CYB561: variants seen among roughly 807,000 people sequenced by gnomAD.
CYB561 encodes cytochrome b561, also known as transmembrane ascorbate-dependent reductase CYB561.
In CYB561, 11 loss-of-function variants were observed where a neutral mutation model predicts 25.3. The ratio of observed to expected loss-of-function variants is 0.44; its 90% CI spans 0.27 to 0.72. CYB561 has a LOEUF of 0.72. Ranked by LOEUF, CYB561 falls within the 30% of genes least tolerant of loss-of-function variation. The pLI is 0.18. For synonymous variants in CYB561, 165 were observed against 158.8 expected, an observed-to-expected ratio of 1.04 and a Z score of -0.29; for missense variants, 295 against 334.9, an observed-to-expected ratio of 0.88 and a Z score of 0.93.
rs781696541 is a variant in CYB561 at position 63,435,217 on chromosome 17, C to T, written c.432G>A (p.Leu144=). 3.1e-6 allele frequency: 5 copies of T among 1,613,756 alleles called. No individual in the cohort carries two copies. In the South Asian group the frequency reaches 5.5e-5, roughly 18 times the overall value. The change falls in exon 5 of 6, where the codon CTG becomes CTA. Residue 144 remains leucine, a synonymous_variant. Transcript: ENST00000360793. ...VQWLVGFSFF[L]FPGASFSLRS... is the part of the protein sequence containing the mutation. ...GCAGGGAGAATGAAGCTCCGGGGAA[C>T]AGGAAGAAGCTGAAGCCCACCAGCC...
Position 63,435,778 on chromosome 17 carries a change from C to A in CYB561, c.315G>T (p.Val105=), listed in dbSNP as rs755847245. ...LVIALVGLVA[V]FDYHRKKGYA... Reference sequence around the variant, plus strand: ...AGCCCTTCTTCCTGTGGTAGTCGAACACCGCCACCAAGCCTGGGCCAGAGA... The same window carrying A: ...AGCCCTTCTTCCTGTGGTAGTCGAAAACCGCCACCAAGCCTGGGCCAGAGA... Residue 105 remains valine (V), a synonymous_variant, in exon 4 of 6, where the codon GTG becomes GTT. Coordinates refer to ENST00000360793, the MANE Select transcript of CYB561 (RefSeq NM_001915.4). 7 of 1,614,082 alleles carry A rather than the reference C, an allele frequency of 4.3e-6. No individual in the cohort carries two copies. The highest frequency in any genetic ancestry group is 5.9e-6 in the Non-Finnish European group (7 of 1,180,022).
intron 2 of CYB561, 65 bp downstream of exon 2, chr17:63,437,281 C>T: frequency 7.7e-7 from 1 of 1,296,636 alleles, no homozygotes. Context: ...TGACAAGACC[C>T]CTGCAAACTG....
At position 63,434,406 on chromosome 17, in the gene CYB561, T is replaced by A. The variant is rs2049269401; in HGVS notation, c.752A>T (p.Gln251Leu). ...TLTEGDSPGS[Q>L] Reference sequence around the variant, plus strand: ...CCCCAGGGCCGGCCGGGCGCATCACTGGGAGCCGGGGCTATCTCCCTCCGT... The same window carrying A: ...CCCCAGGGCCGGCCGGGCGCATCACAGGGAGCCGGGGCTATCTCCCTCCGT... Residue 251 changes from glutamine to leucine, a missense_variant, in exon 6 of 6, where the codon CAG becomes CTG. Transcript: ENST00000360793. The A allele has an allele frequency of 6.4e-7, 1 of 1,561,554 alleles. No individual in the cohort carries two copies. The highest frequency in any genetic ancestry group is 8.7e-7 in the Non-Finnish European group (1 of 1,150,840).
At chr17:63,434,877 T>C (rs1338656052) in intron 5 of CYB561, among the ~76,000 whole-genome samples, 1 of 152,240 alleles carries the variant, frequency 6.6e-6, no homozygotes, top group East Asian at 1.9e-4. Flanking sequence ...AGGGTGCCCA[T>C]AGCCCAGAAG....
Position 63,434,542 on chromosome 17 carries a change from G to A in CYB561, c.616C>T (p.Leu206=). The change falls in exon 6 of 6, where the codon CTG becomes TTG. Residue 206 remains leucine (L), a synonymous_variant. Transcript: ENST00000360793. The part of the protein sequence containing the change: ...PEGVLANVLG[L]LLACFGGAVL... ...GCCCCACCGAAGCAGGCCAGCAGCA[G>A]GCCCAGCACGTTGGCCAGGACACCC... 1 of 1,613,316 alleles carries A rather than the reference G, an allele frequency of 6.2e-7. No homozygotes were observed. Among genetic ancestry groups the A allele is most frequent in the East Asian group, 2.2e-5 (1 of 44,884 alleles).
intron 1 of CYB561, chr17:63,438,299 G>A: frequency 8.1e-7 from 1 of 1,237,106 alleles, no homozygotes. Flanking sequence ...TGACGGGAAG[G>A]AAGGGGCTGG....
chr17:63,446,310 G>A (rs2049423550), upstream of CYB561: 1 of 151,990 alleles, frequency 6.6e-6, no homozygotes, highest in Non-Finnish European at 1.5e-5. Context: ...CGGTTCTGCG[G>A]GCCGTGGCGC....
At chr17:63,439,457 C>T (rs1191700236) in intron 1 of CYB561, among the ~76,000 whole-genome samples, 1 of 152,004 alleles carries the variant, frequency 6.6e-6, no homozygotes, top group Non-Finnish European at 1.5e-5. Flanking sequence ...CCCTTGAGCT[C>T]AGGAGGCAGA....
Position 63,435,070 on chromosome 17 carries a change from C to A in CYB561, c.563+16G>T, listed in dbSNP as rs768254774. 38 of 1,609,234 alleles carry A rather than the reference C, an allele frequency of 2.4e-5. No homozygotes were observed. The highest frequency in any genetic ancestry group is 3.2e-5 in the Non-Finnish European group (38 of 1,177,748). ...GGGTGGCCCAGGCCCTGCCCTCTCC[C>A]ACCCAGGACACTCACCCGAGGTTGA... On this transcript the variant is annotated intron_variant, in intron 5 of 5. Coordinates refer to ENST00000360793, the MANE Select transcript of CYB561 (RefSeq NM_001915.4).
At chr17:63,435,282 C>G (rs532464749) in intron 4 of CYB561, 39 bp from the exon 5 acceptor site, 1 of 1,601,496 alleles carries the variant, frequency 6.2e-7, no homozygotes, top group Non-Finnish European at 8.5e-7. Flanking sequence ...ACAGGGCGGC[C>G]GGACACCCCA....
intron 1 of CYB561, among the ~76,000 whole-genome samples, chr17:63,443,860 A>T (rs2049398817): frequency 6.6e-6 from 1 of 152,176 alleles, no homozygotes; most frequent in African/African-American, 2.4e-5. Context: ...TCCTGGTCTC[A>T]AGCAGTCCTC....
In CYB561 at chr17:63,434,531, G is replaced by A. The variant is rs2049272016; in HGVS notation, c.627C>T (p.Ala209=). 1 of 1,613,510 alleles carries A rather than the reference G, an allele frequency of 6.2e-7. No homozygotes were observed. The highest frequency in any genetic ancestry group is 8.5e-7 in the Non-Finnish European group (1 of 1,179,978). The change falls in exon 6 of 6, where the codon GCC becomes GCT. Residue 209 remains alanine (A), a synonymous_variant. Transcript: ENST00000360793. ...TGTAGAGCACCGCCCCACCGAAGCA[G>A]GCCAGCAGCAGGCCCAGCACGTTGG... is the stretch of plus-strand genomic sequence containing the variant. ...VLANVLGLLL[A]CFGGAVLYIL...
intron 5 of CYB561, 69 bp from the exon 6 acceptor site, chr17:63,434,663 T>C: frequency 7.2e-7 from 1 of 1,392,692 alleles, no homozygotes; most frequent in Non-Finnish European, 9.8e-7. Context: ...CTTTGTATCC[T>C]GGGCCTTAAA....
rs554198388 is a variant in CYB561, at chr17:63,436,432, C to A, written c.203-280G>T. 399 of 375,368 alleles carry A rather than the reference C, an allele frequency of 1.1e-3. 1 individual carries two copies. Among genetic ancestry groups the A allele is most frequent in the African/African-American group, 7.6e-3 (370 of 48,636 alleles). The allele number at this position is 375,368 out of a possible 1,614,324, so 23.3% of individuals were successfully genotyped here. The stretch of plus-strand genomic sequence containing the variant: ...AAAGAGGGCAGGGCCGGAGGCTGCA[C>A]CACAGTCCCCACCACCAGGACAGGC... On this transcript the variant is annotated intron_variant, in intron 2 of 5. Coordinates refer to ENST00000360793, the MANE Select transcript of CYB561 (RefSeq NM_001915.4). The surrounding 1 kb of genome is among the most constrained non-coding windows in gnomAD (Gnocchi z 4.8).
rs1245905908 is a variant in CYB561, at chr17:63,432,555, T to TA, written c.*1846dup. 6.6e-6 allele frequency: 1 copy of TA among 152,226 alleles called. No homozygotes were observed. The highest frequency in any genetic ancestry group is 1.5e-5 in the Non-Finnish European group (1 of 68,050). 9.4% of individuals were successfully genotyped at this position (152,226 alleles called of 1,614,324 possible). ...CACGATTGTACTTTGGTAGTTTGTCTAAGGCGGAGTTTTCCCACATGTAAA... is the reference window on the plus strand; with the variant it reads ...CACGATTGTACTTTGGTAGTTTGTCTAAAGGCGGAGTTTTCCCACATGTAAA... On this transcript the variant is annotated 3_prime_UTR_variant, in exon 6 of 6. Coordinates refer to ENST00000360793, the MANE Select transcript of CYB561 (RefSeq NM_001915.4).
intron 5 of CYB561, 71 bp downstream of exon 5, chr17:63,435,015 G>A (rs916751412): frequency 6.1e-6 from 9 of 1,482,648 alleles, no homozygotes; most frequent in Admixed American, 2.2e-5. Context: ...CACAGCTGGG[G>A]AAGCTGAAGG....
At position 63,436,986 on chromosome 17, in the gene CYB561, G is replaced by A. The variant is rs753930872; in HGVS notation, c.202+360C>T. 1 of 299,254 alleles carries A rather than the reference G, an allele frequency of 3.3e-6. No homozygotes were observed. The highest frequency in any genetic ancestry group is 4.1e-5 in the South Asian group (1 of 24,566). The allele number at this position is 299,254 out of a possible 1,614,324, so 18.5% of individuals were successfully genotyped here. A position where few individuals can be genotyped will look rare whatever the true frequency, so the allele number is the denominator to read the frequency against. ...CACACATGCGCGCGCACGCACGCAC[G>A]CATACAAACTCTCACATATGATTAC... On this transcript the variant is annotated intron_variant, in intron 2 of 5. Transcript: ENST00000360793. This position sits in a 1 kb window ranked among gnomAD's most constrained non-coding sequence, Gnocchi z 4.8.
At position 63,437,559 on chromosome 17, in the gene CYB561, C is replaced by T. The variant is rs750781205; in HGVS notation, c.-12G>A. 2.5e-6 allele frequency: 4 copies of T among 1,604,526 alleles called. No homozygotes were observed. In the East Asian group the frequency reaches 6.7e-5, roughly 27 times the overall value. On this transcript the variant is annotated splice_region_variant and 5_prime_UTR_variant, in exon 2 of 6. Coordinates refer to ENST00000360793, the MANE Select transcript of CYB561 (RefSeq NM_001915.4). ...GCCCCGCCCTCCATGCTGAGGCAAA[C>T]GCTGCAAGAAAGAGCAGAGCTCAGA... is the stretch of plus-strand genomic sequence containing the variant.
At position 63,434,442 on chromosome 17, in the gene CYB561, A is replaced by T; in HGVS notation, c.716T>A (p.Phe239Tyr). The change falls in exon 6 of 6, where the codon TTC becomes TAC. Residue 239 changes from phenylalanine to tyrosine, a missense_variant. Transcript: ENST00000360793. ...GCTATCTCCCTCCGTCAGCGTCTTG[A>T]AGTCCATGGAGAGGGCCTGCTCTTC... is the stretch of plus-strand genomic sequence containing the variant. ...QAEEQALSMD[F>Y]KTLTEGDSPG... 6.3e-7 allele frequency: 1 copy of T among 1,597,542 alleles called. No individual in the cohort carries two copies.
Sources: gnomAD v4.1 joint callset for allele counts (sites outside exome capture counted in the v4.1 genomes callset) on GRCh38, gnomAD v4.1.1 for gene constraint, Gnocchi (gnomAD v3.1) non-coding constraint, MANE v1.5 for transcripts, NCBI Gene and HGNC (gene_info 2026-07-23, HGNC 2026-07-21) for gene names.